Variants in NDC80 observed in about 807,000 individuals in gnomAD.
NDC80 encodes kinetochore protein NDC80 homolog.
NDC80 carries 69 observed loss-of-function variants against 89.3 expected under a neutral mutation model. The ratio of observed to expected loss-of-function variants is 0.77; its 90% CI spans 0.64 to 0.94. The LOEUF (loss-of-function observed/expected upper bound fraction) is 0.94, where lower values mean the gene tolerates loss of function less well. Ranked by LOEUF, NDC80 falls within the 40% of genes least tolerant of loss-of-function variation. NDC80 has a pLI of 0.00. For synonymous variants in NDC80, 243 were observed against 255.6 expected (o/e 0.95, Z 0.47); for missense variants, 593 against 739.6 (o/e 0.80, Z 2.30).
At chr18:2,585,985 C>A (rs2347619) in intron 7 of NDC80, among the ~76,000 whole-genome samples, 61,435 of 151,930 alleles carry the variant, frequency 0.4, 13,946 homozygotes, top group African/African-American at 0.61. Flanking sequence ...ACATATTGCC[C>A]CTTAGCCCAG....
chr18:2,583,926 C>T (rs894736123), intron 6 of NDC80, among the ~76,000 whole-genome samples: 2 of 152,112 alleles, frequency 1.3e-5, no homozygotes, highest in Admixed American at 6.5e-5. Context: ...GTACTCCTAA[C>T]GCATAGTCCT....
At chr18:2,583,303 A>T (rs1376347460) in intron 6 of NDC80, among the ~76,000 whole-genome samples, 4 of 152,212 alleles carry the variant, frequency 2.6e-5, no homozygotes, top group Non-Finnish European at 4.4e-5. Context: ...AGTTTTCATA[A>T]GGCCCTTGGC....
At chr18:2,606,160 T>C (rs930064814) in intron 13 of NDC80, among the ~76,000 whole-genome samples, 3 of 151,222 alleles carry the variant, frequency 2.0e-5, no homozygotes, top group Non-Finnish European at 4.4e-5. Flanking sequence ...ATAATATATA[T>C]GAGAGCTTAA....
intron 6 of NDC80, among the ~76,000 whole-genome samples, chr18:2,580,730 G>GTTTTTTT (rs1567997102): frequency 1.2e-4 from 6 of 48,114 alleles, no homozygotes; most frequent in Admixed American, 3.5e-4. Context: ...CTCACCATCA[G>GTTTTTTT]ATTTTTTTTT....
intron 16 of NDC80, 136 bp downstream of exon 16, chr18:2,610,997 G>T: frequency 7.2e-6 from 3 of 414,816 alleles, no homozygotes; most frequent in East Asian, 4.7e-5. Context: ...TTTATCAGAA[G>T]AATCTTGTCT....
chr18:2,577,830 C>T lies in NDC80; in HGVS notation c.264C>T (p.Asp88=), dbSNP rs772118857. The change falls in exon 4 of 17, where the codon GAC becomes GAT. Residue 88 remains aspartate, a synonymous_variant. Coordinates refer to ENST00000261597, the MANE Select transcript of NDC80 (RefSeq NM_006101.3). ...TCAAGGACCCGAGACCACTTAATGA[C>T]AAAGCATTCATTCAGCAGTGTATTC... ...EKIKDPRPLN[D]KAFIQQCIRQ... 6 of 1,613,986 alleles carry T rather than the reference C, an allele frequency of 3.7e-6. No individual in the cohort carries two copies. In the South Asian group the frequency reaches 4.4e-5, roughly 12 times the overall value.
rs1200604364 is a variant in NDC80, at chr18:2,610,735, TAAAC to T, written c.1689-21_1689-18del. ...GTATTAATTTTTTTCCTGGACAACT[TAAAC>T]AAGAGTTTTTGTTCTACAGATACCA... On this transcript the variant is annotated intron_variant, in intron 15 of 16. Transcript: ENST00000261597. The T allele has an allele frequency of 4.6e-6, 7 of 1,512,610 alleles. No homozygotes were observed. The East Asian group carries it at 6.9e-5, about 15-fold the overall frequency. The allele number at this position is 1,512,610 out of a possible 1,614,324, so 93.7% of individuals were successfully genotyped here. A position where few individuals can be genotyped will look rare whatever the true frequency, so the allele number is the denominator to read the frequency against.
chr18:2,608,995 C>T (rs2072729180), intron 15 of NDC80, among the ~76,000 whole-genome samples, 165 bp downstream of exon 15: 1 of 152,072 alleles, frequency 6.6e-6, no homozygotes, highest in African/African-American at 2.4e-5. Flanking sequence ...AACTCGAGAA[C>T]TTTCCCTATC....
At chr18:2,588,260 T>C (rs1267910961) in intron 8 of NDC80, among the ~76,000 whole-genome samples, 2 of 152,176 alleles carry the variant, frequency 1.3e-5, no homozygotes, top group Non-Finnish European at 2.9e-5. Flanking sequence ...AATTAGCAAA[T>C]GCTATTCCTC....
chr18:2,580,222 C>G (rs1281275764), intron 6 of NDC80, among the ~76,000 whole-genome samples: 1 of 151,656 alleles, frequency 6.6e-6, no homozygotes, highest in African/African-American at 2.4e-5. Context: ...AATATCTACT[C>G]TTCTGATTTT....
At chr18:2,609,776 A>G (rs557470714) in intron 15 of NDC80, among the ~76,000 whole-genome samples, 3 of 152,318 alleles carry the variant, frequency 2.0e-5, no homozygotes, top group Admixed American at 6.5e-5. Flanking sequence ...CTCATTACAT[A>G]TGCAGTGCAC....
intron 16 of NDC80, among the ~76,000 whole-genome samples, chr18:2,615,492 C>A (rs1454349271): frequency 6.6e-6 from 1 of 152,224 alleles, no homozygotes; most frequent in Non-Finnish European, 1.5e-5. Flanking sequence ...GACTCTGACA[C>A]TGGTGATTTC....
At chr18:2,608,617 C>G (rs529432073) in intron 14 of NDC80, 83 bp from the exon 15 acceptor site, 339 of 1,379,246 alleles carry the variant, frequency 2.5e-4, no homozygotes, top group Admixed American at 4.0e-4. Context: ...TATTTAAGTG[C>G]TTTTTATAAT....
At chr18:2,613,802 C>T (rs1330663937) in intron 16 of NDC80, among the ~76,000 whole-genome samples, 1 of 152,022 alleles carries the variant, frequency 6.6e-6, no homozygotes, top group Admixed American at 6.5e-5. Context: ...GAAAGACAAG[C>T]CACAAACTGA....
intron 6 of NDC80, among the ~76,000 whole-genome samples, chr18:2,580,233 T>G (rs1218394788): frequency 6.6e-6 from 1 of 152,148 alleles, no homozygotes; most frequent in African/African-American, 2.4e-5. Context: ...TTCTGATTTT[T>G]TTTTGTGTTG....
chr18:2,573,730 T>C lies in NDC80; in HGVS notation c.101+644T>C, dbSNP rs574180198. ...CTTGGATTTACATAGTATGAGCCTA[T>C]GTTACTTTTAGAAATTTGAAATATT... On this transcript the variant is annotated intron_variant, in intron 2 of 16. Transcript: ENST00000261597. Among the ~76,000 whole-genome samples, 5 of 152,376 alleles carry C rather than the reference T, an allele frequency of 3.3e-5. No homozygotes were observed. In the South Asian group the frequency reaches 1.0e-3, roughly 32 times the overall value.
At chr18:2,593,035 TGTGTGTGTGTGTGTGTGTGTC>T (rs1303722095) in intron 10 of NDC80, among the ~76,000 whole-genome samples, 1 of 130,154 alleles carries the variant, frequency 7.7e-6, no homozygotes, top group Non-Finnish European at 1.6e-5. Context: ...TGTGTGTGTG[TGTGTGTGTGTGTGTGTGTGTC>T]TTTTTTTTTT....
intron 10 of NDC80, 135 bp downstream of exon 10, chr18:2,590,297 G>T: frequency 1.1e-6 from 1 of 897,794 alleles, no homozygotes. Flanking sequence ...TTTTCAGTGT[G>T]TTTCGTATTT....
chr18:2,610,226 A>G (rs1238938480), intron 15 of NDC80, among the ~76,000 whole-genome samples: 2 of 152,352 alleles, frequency 1.3e-5, no homozygotes, highest in Non-Finnish European at 2.9e-5. Flanking sequence ...ACATTTATGT[A>G]AAATATACAT....
Sources: allele counts gnomAD v4.1 joint callset (sites outside exome capture counted in the v4.1 genomes callset), GRCh38; gene constraint gnomAD v4.1.1; transcripts MANE v1.5; gene names NCBI Gene and HGNC (gene_info 2026-07-23, HGNC 2026-07-21).